BMPR1B: variants seen among roughly 807,000 people sequenced by gnomAD.
The protein encoded by BMPR1B is bone morphogenetic protein receptor type-1B.
In BMPR1B, 12 loss-of-function variants were observed where a neutral mutation model predicts 59.1. The ratio of observed to expected loss-of-function variants is 0.20; its 90% confidence interval spans 0.13 to 0.33. The LOEUF is 0.33. BMPR1B is among the 10% of genes least tolerant of loss of function. The pLI, the probability that BMPR1B is intolerant of heterozygous loss-of-function variation, is 1.00. For synonymous variants in BMPR1B, 237 were observed against 207.3 expected (o/e 1.14, Z -1.23); for missense variants, 550 against 610.9 (o/e 0.90, Z 1.05).
rs892380356 is a variant in BMPR1B, at chr4:94,837,372, T to C, written c.-182-38459T>C. Among the ~76,000 whole-genome samples the C allele has an allele frequency of 5.5e-5, 8 of 145,460 alleles. 1 individual carries two copies. The highest frequency in any genetic ancestry group is 1.1e-4 in the Non-Finnish European group (7 of 65,656). The stretch of plus-strand genomic sequence containing the variant: ...GGGCAGTATGGCCATTTTCACGATA[T>C]TGATTCTTCCTACCCATGAGAATGG... On this transcript the variant is annotated intron_variant, in intron 1 of 12. Coordinates refer to ENST00000515059, the MANE Select transcript of BMPR1B (RefSeq NM_001203.3).
chr4:95,142,835 A>G (rs1302959513), intron 10 of BMPR1B, among the ~76,000 whole-genome samples: 1 of 150,278 alleles, frequency 6.7e-6, no homozygotes, highest in Non-Finnish European at 1.5e-5. Context: ...TTTTAACATA[A>G]CACTTTTAGC....
At chr4:95,064,550 T>A (rs1409349705) in intron 3 of BMPR1B, among the ~76,000 whole-genome samples, 1 of 152,002 alleles carries the variant, frequency 6.6e-6, no homozygotes, top group Non-Finnish European at 1.5e-5. Flanking sequence ...CCGCAAAGAC[T>A]GAGGACTGCT....
At chr4:94,770,050 C>T (rs1317862988) in intron 1 of BMPR1B, among the ~76,000 whole-genome samples, 2 of 152,146 alleles carry the variant, frequency 1.3e-5, no homozygotes, top group Non-Finnish European at 2.9e-5. Flanking sequence ...GTCTTCACAT[C>T]TATAATGTTT....
intron 2 of BMPR1B, among the ~76,000 whole-genome samples, chr4:94,995,140 A>G (rs1423200397): frequency 2.6e-5 from 4 of 152,132 alleles, no homozygotes; most frequent in South Asian, 2.1e-4. Context: ...TGGAGATACT[A>G]TGTATCTTGT....
intron 1 of BMPR1B, among the ~76,000 whole-genome samples, chr4:94,769,388 A>G (rs1016561304): frequency 6.6e-6 from 1 of 152,180 alleles, no homozygotes; most frequent in Admixed American, 6.5e-5. Context: ...AGGTGGGTGG[A>G]TCACTTGAGG....
chr4:94,844,952 T>C (rs1300674874), intron 1 of BMPR1B, among the ~76,000 whole-genome samples: 2 of 152,198 alleles, frequency 1.3e-5, no homozygotes, highest in Admixed American at 6.5e-5. Flanking sequence ...TGGGTCCTTC[T>C]TCAAGGAAAA....
chr4:94,846,161 C>T (rs1003632092), intron 1 of BMPR1B, among the ~76,000 whole-genome samples: 1 of 152,186 alleles, frequency 6.6e-6, no homozygotes, highest in African/African-American at 2.4e-5. Context: ...TAAATCCATA[C>T]ATCTACAGTG....
intron 1 of BMPR1B, among the ~76,000 whole-genome samples, chr4:94,793,763 G>A (rs1374838068): frequency 3.4e-5 from 5 of 146,812 alleles, no homozygotes; most frequent in Non-Finnish European, 7.6e-5. Flanking sequence ...TTTCTCTGAT[G>A]GCCAGTGATG....
chr4:95,062,666 T>C (rs529545455), intron 3 of BMPR1B, among the ~76,000 whole-genome samples: 1 of 152,326 alleles, frequency 6.6e-6, no homozygotes, highest in East Asian at 1.9e-4. Flanking sequence ...TCTACAGATT[T>C]ATTTCTTAAT....
intron 8 of BMPR1B, 59 bp from the exon 9 acceptor site, chr4:95,129,803 A>C: frequency 6.4e-7 from 1 of 1,558,820 alleles, no homozygotes; most frequent in Non-Finnish European, 8.8e-7. Flanking sequence ...GGAGAAAAAA[A>C]GATTAAACAA....
At chr4:94,991,351 TTATC>T (rs1277306847) in intron 2 of BMPR1B, among the ~76,000 whole-genome samples, 2 of 152,222 alleles carry the variant, frequency 1.3e-5, no homozygotes, top group East Asian at 3.8e-4. Context: ...TTTTAGTAAT[TTATC>T]TAACAAATAT....
intron 1 of BMPR1B, among the ~76,000 whole-genome samples, chr4:94,768,422 G>A (rs1315209914): frequency 6.6e-6 from 1 of 152,030 alleles, no homozygotes; most frequent in Non-Finnish European, 1.5e-5. Context: ...TATCAGAATT[G>A]CAGCGATTTT....
chr4:95,137,161 C>A (rs548063698), intron 10 of BMPR1B, among the ~76,000 whole-genome samples: 2 of 152,268 alleles, frequency 1.3e-5, no homozygotes, highest in Admixed American at 1.3e-4. Context: ...GCCTTCATTT[C>A]GTTATGTACC....
intron 10 of BMPR1B, among the ~76,000 whole-genome samples, chr4:95,142,517 G>A (rs955978593): frequency 6.6e-6 from 1 of 151,930 alleles, no homozygotes; most frequent in Admixed American, 6.6e-5. Context: ...TTTTTAAGGG[G>A]TACAATGTTT....
rs1239380391 is a variant in BMPR1B at position 95,059,164 on chromosome 4, G to A, written c.-17-45244G>A. 4.6e-5 allele frequency among the ~76,000 whole-genome samples: 7 copies of A among 152,240 alleles called. No individual in the cohort carries two copies. In the East Asian group the frequency reaches 1.4e-3, roughly 29 times the overall value. On this transcript the variant is annotated intron_variant, in intron 3 of 12. Coordinates refer to ENST00000515059, the MANE Select transcript of BMPR1B (RefSeq NM_001203.3). ...AATTCAGCTGAAGTTATTGAGAACTGTGCAGTGACCCGGAAAACAACAACA... is the reference window on the plus strand; with the variant it reads ...AATTCAGCTGAAGTTATTGAGAACTATGCAGTGACCCGGAAAACAACAACA...
chr4:95,095,627 A>T (rs1231304476), intron 3 of BMPR1B, among the ~76,000 whole-genome samples: 2 of 152,172 alleles, frequency 1.3e-5, no homozygotes, highest in African/African-American at 4.8e-5. Flanking sequence ...GAGTTTAAAA[A>T]TGAAAAAGAT....
chr4:94,860,338 G>A (rs931226027), intron 1 of BMPR1B, among the ~76,000 whole-genome samples: 1 of 152,150 alleles, frequency 6.6e-6, no homozygotes, highest in African/African-American at 2.4e-5. Flanking sequence ...TCAGTAAGAT[G>A]TTGAGTAAAT....
At chr4:94,906,749 A>G (rs945945748) in intron 2 of BMPR1B, among the ~76,000 whole-genome samples, 5 of 152,062 alleles carry the variant, frequency 3.3e-5, no homozygotes, top group African/African-American at 1.2e-4. Flanking sequence ...TCATATATTT[A>G]GGGTAGTGAA....
intron 2 of BMPR1B, among the ~76,000 whole-genome samples, chr4:94,910,251 T>G (rs1728222974): frequency 6.6e-6 from 1 of 152,254 alleles, no homozygotes; most frequent in South Asian, 2.1e-4. Context: ...TATTCTCATC[T>G]TTCTTCTGAA....
Sources: allele counts gnomAD v4.1 joint callset (sites outside exome capture counted in the v4.1 genomes callset), GRCh38; gene constraint gnomAD v4.1.1; transcripts MANE v1.5; gene names NCBI Gene and HGNC (gene_info 2026-07-23, HGNC 2026-07-21).